The following LRRK1 variants were observed in gnomAD, a reference collection of about 807,000 sequenced individuals.
LRRK1 encodes the protein leucine rich repeat kinase 1.
Under a neutral mutation model 209.1 loss-of-function variants are expected in LRRK1, and 113 were observed. That is an observed-to-expected ratio of 0.54 (90% CI 0.46 to 0.63). The LOEUF (loss-of-function observed/expected upper bound fraction) is 0.63. Among genes scored for constraint, LRRK1 ranks in the 30% least tolerant of loss-of-function variants. The pLI is 0.00. For missense variants in LRRK1, 2,284 were observed against 2,632.2 expected (o/e 0.87, Z 2.89); for synonymous variants, 1,144 against 1,099.7 (o/e 1.04, Z -0.80).
At chr15:101,048,702 A>G (rs2035222444) in intron 22 of LRRK1, 45 bp downstream of exon 22, 3 of 1,461,140 alleles carry the variant, frequency 2.1e-6, no homozygotes, top group Admixed American at 2.8e-5. Context: ...CAGGTGCCAC[A>G]GCAGCCACCG....
intron 6 of LRRK1, among the ~76,000 whole-genome samples, chr15:100,990,675 T>G (rs963357530): frequency 6.6e-6 from 1 of 151,278 alleles, no homozygotes; most frequent in Non-Finnish European, 1.5e-5. Flanking sequence ...GTTTGTTGAT[T>G]ATTTTTTCTA....
intron 3 of LRRK1, among the ~76,000 whole-genome samples, chr15:100,975,742 A>G (rs960923220): frequency 3.9e-5 from 6 of 152,250 alleles, no homozygotes; most frequent in Non-Finnish European, 7.3e-5. Flanking sequence ...GCTTTTACAA[A>G]TCAATATGAA....
At chr15:101,036,664 T>G (rs2034505254) in intron 20 of LRRK1, among the ~76,000 whole-genome samples, 1 of 152,194 alleles carries the variant, frequency 6.6e-6, no homozygotes, top group Non-Finnish European at 1.5e-5. Context: ...TTTGGAAGTA[T>G]CATATGTCCT....
At chr15:101,020,221 CCTGT>C (rs2033713577) in intron 12 of LRRK1, among the ~76,000 whole-genome samples, 1 of 152,140 alleles carries the variant, frequency 6.6e-6, no homozygotes. Context: ...CCATTGTGTT[CCTGT>C]CTAACAACTG....
chr15:101,048,254 T>C (rs957676812), intron 21 of LRRK1, among the ~76,000 whole-genome samples: 23 of 152,164 alleles, frequency 1.5e-4, no homozygotes, highest in African/African-American at 5.3e-4. Context: ...GGGAAAAAAA[T>C]TTTAAAGGAA....
chr15:101,027,810 G>A lies in LRRK1; in HGVS notation c.2686+13G>A, dbSNP rs1003421246. On this transcript the variant is annotated intron_variant, in intron 19 of 33. Coordinates refer to ENST00000388948, the MANE Select transcript of LRRK1 (RefSeq NM_024652.6). The surrounding 1 kb of genome is among the most constrained non-coding windows in gnomAD (Gnocchi z 5.1). ...GACCTGCAGTCAGGTGGGTGGGGCT[G>A]GGGTAGGTGGCAGGGTGCCCGTGAG... 1.3e-5 allele frequency: 20 copies of A among 1,559,570 alleles called. No homozygotes were observed. The African/African-American group carries it at 2.7e-4, about 21-fold the overall frequency.
chr15:100,961,618 A>T (rs970323480), intron 2 of LRRK1, among the ~76,000 whole-genome samples: 1 of 148,714 alleles, frequency 6.7e-6, no homozygotes, highest in Admixed American at 6.8e-5. Context: ...GCGCCACCGC[A>T]CTCCAGCCTA....
rs367810590 is a variant in LRRK1, at chr15:101,066,134, C to T, written c.5697C>T (p.Asp1899=). 2.9e-5 allele frequency: 46 copies of T among 1,613,910 alleles called. No individual in the cohort carries two copies. Among genetic ancestry groups the T allele is most frequent in the East Asian group, 8.9e-5 (4 of 44,892 alleles). ...CTGAGCATGACCTGACCCCCATGGA[C>T]GGGGAGACCTTCAGCCAGCACCTGC... The part of the protein sequence containing the change: ...DRSEHDLTPM[D]GETFSQHLQA... Residue 1899 remains aspartate, a synonymous_variant, in exon 32 of 34, where the codon GAC becomes GAT. Transcript: ENST00000388948.
intron 4 of LRRK1, among the ~76,000 whole-genome samples, chr15:100,985,390 G>A (rs934055974): frequency 6.6e-6 from 1 of 152,152 alleles, no homozygotes; most frequent in Non-Finnish European, 1.5e-5. Flanking sequence ...TGAAAACTGT[G>A]TAGAACGTGA....
chr15:101,011,310 T>TA (rs542617086), intron 9 of LRRK1, among the ~76,000 whole-genome samples: 14,243 of 138,282 alleles, frequency 0.1, 977 homozygotes, highest in East Asian at 0.3. Context: ...CTACTAAAAT[T>TA]AAAAAAAAAA....
intron 12 of LRRK1, among the ~76,000 whole-genome samples, chr15:101,016,605 C>A (rs540918148): frequency 6.6e-6 from 1 of 152,180 alleles, no homozygotes; most frequent in Non-Finnish European, 1.5e-5. Flanking sequence ...ATTAGAGCTT[C>A]GACATATGAA....
intron 6 of LRRK1, among the ~76,000 whole-genome samples, chr15:101,008,524 T>C (rs2033082639): frequency 6.6e-6 from 1 of 152,186 alleles, no homozygotes; most frequent in Admixed American, 6.5e-5. Flanking sequence ...GCCGCGCTCT[T>C]CCCTGTGAGC....
rs371094898 is a variant in LRRK1, at chr15:100,924,738, A to G, written c.97+9A>G. 1 of 1,611,342 alleles carries G rather than the reference A, an allele frequency of 6.2e-7. No homozygotes were observed. Among genetic ancestry groups the G allele is most frequent in the Non-Finnish European group, 8.5e-7 (1 of 1,177,502 alleles). On this transcript the variant is annotated intron_variant, in intron 2 of 33. Transcript: ENST00000388948. ...CATGGAGACGCTTAACGGTAAGGAC[A>G]GGGCTGTGCTTATGCCTGCCTGGGT... is the stretch of plus-strand genomic sequence containing the variant.
At chr15:100,963,074 C>T (rs28611100) in intron 2 of LRRK1, among the ~76,000 whole-genome samples, 3,746 of 151,482 alleles carry the variant, frequency 0.025, 113 homozygotes, top group African/African-American at 0.07. Flanking sequence ...CTGCCGGCCT[C>T]GGCCTCCCAA....
rs974550563 is a variant in LRRK1, at chr15:101,073,924, C to T, written c.*5076C>T. The T allele has an allele frequency of 1.3e-5, 2 of 152,110 alleles. No homozygotes were observed. The highest frequency in any genetic ancestry group is 4.8e-5 in the African/African-American group (2 of 41,416). The allele number at this position is 152,110 out of a possible 1,614,324, so 9.4% of individuals were successfully genotyped here. On this transcript the variant is annotated 3_prime_UTR_variant, in exon 34 of 34. Transcript: ENST00000388948. Reference sequence around the variant, plus strand: ...ATTTTCTTCTGCAATGCCGCTTGACCCCAATACAAACTCAACAGTAGTTCC... The same window carrying T: ...ATTTTCTTCTGCAATGCCGCTTGACTCCAATACAAACTCAACAGTAGTTCC...
At chr15:101,042,596 T>G (rs745576382) in intron 20 of LRRK1, among the ~76,000 whole-genome samples, 56 of 152,148 alleles carry the variant, frequency 3.7e-4, no homozygotes, top group African/African-American at 1.3e-3. Context: ...CCCTCAGTTA[T>G]GCTGTCAGCC....
intron 6 of LRRK1, among the ~76,000 whole-genome samples, chr15:100,991,892 T>C (rs573517946): frequency 6.6e-6 from 1 of 152,220 alleles, no homozygotes; most frequent in South Asian, 2.1e-4. Flanking sequence ...TCATTTTTGC[T>C]TTGAGTTTTT....
intron 19 of LRRK1, among the ~76,000 whole-genome samples, chr15:101,028,349 A>G (rs8030515): frequency 0.99 from 150,338 of 152,364 alleles, 74,203 homozygotes; most frequent in East Asian, 1. Context: ...TTGCTCATTC[A>G]TGAACAAAGC....
At chr15:101,066,878 A>C in intron 33 of LRRK1, 137 bp downstream of exon 33, 1 of 812,128 alleles carries the variant, frequency 1.2e-6, no homozygotes, top group Non-Finnish European at 2.0e-6. Context: ...GCTGTAAGGC[A>C]AAGTGGAAAC....
Sources: allele counts gnomAD v4.1 joint callset (sites outside exome capture counted in the v4.1 genomes callset), GRCh38; gene constraint gnomAD v4.1.1; non-coding constraint Gnocchi (gnomAD v3.1); transcripts MANE v1.5; gene names NCBI Gene and HGNC (gene_info 2026-07-23, HGNC 2026-07-21).